The following ACACA variants were observed in gnomAD, a reference collection of about 807,000 sequenced individuals.
The protein encoded by ACACA is acetyl-CoA carboxylase 1.
A neutral mutation model predicts 296.1 loss-of-function variants in ACACA; 103 were observed. The ratio of observed to expected loss-of-function variants is 0.35; its 90% CI spans 0.30 to 0.41. The LOEUF (loss-of-function observed/expected upper bound fraction) is 0.41, where lower values mean the gene tolerates loss of function less well. Ranked by LOEUF, ACACA falls within the 10% of genes least tolerant of loss-of-function variation. ACACA has a pLI of 1.00. For missense variants in ACACA, 1,554 were observed against 2,989.7 expected (o/e 0.52, Z 11.20); for synonymous variants, 953 against 1,038.6 (o/e 0.92, Z 1.58).
chr17:37,339,809 A>T lies in ACACA; in HGVS notation c.80T>A (p.Ile27Lys). 6 of 1,378,248 alleles carry T rather than the reference A, an allele frequency of 4.4e-6. No individual in the cohort carries two copies. Among genetic ancestry groups the T allele is most frequent in the Non-Finnish European group, 6.2e-6 (6 of 971,666 alleles). The allele number at this position is 1,378,248 out of a possible 1,614,324, so 85.4% of individuals were successfully genotyped here. A position where few individuals can be genotyped will look rare whatever the true frequency, so the allele number is the denominator to read the frequency against. Residue 27 changes from isoleucine (I) to lysine (K), a missense_variant, in exon 2 of 56, where the codon ATA (isoleucine) becomes AAA (lysine). Physicochemically the swap from Ile to Lys is moderately radical, Grantham distance 102. This residue lies in a region of ACACA where 140 missense variants were observed against 147.7 expected (regional missense o/e 0.95). Coordinates refer to ENST00000616317, the MANE Select transcript of ACACA (RefSeq NM_198834.3). ...KWISTQTVRI[I>K]RAVRAHFGGI... ...GAGTATTATTTGTAACTGACCTCTT[A>T]TAATTCTTACTGTCTGAGTAGATAT...
Position 37,406,263 on chromosome 17 carries a change from T to A in ACACA, c.37A>T (p.Arg13Trp). The A allele has an allele frequency of 6.2e-7, 1 of 1,614,200 alleles. No individual in the cohort carries two copies. The highest frequency in any genetic ancestry group is 1.3e-5 in the African/African-American group (1 of 75,066). ...GTAATAAGAGATCTTGGGACATACC[T>A]AGCCCTCAAGATTGACATCAGAGTA... ...WSTLMSILRARSFWKWISTQT... is the reference protein window; with the variant it reads ...WSTLMSILRAWSFWKWISTQT... Residue 13 changes from arginine (R) to tryptophan (W), a missense_variant and splice_region_variant, in exon 1 of 56, where the codon AGG becomes TGG. Transcript: ENST00000616317.
At position 37,248,611 on chromosome 17, in the gene ACACA, T is replaced by C. The variant is rs749429147; in HGVS notation, c.2145A>G (p.Gly715=). The C allele has an allele frequency of 6.2e-7, 1 of 1,609,306 alleles. No homozygotes were observed. Among genetic ancestry groups the C allele is most frequent in the Non-Finnish European group, 8.5e-7 (1 of 1,176,192 alleles). The change falls in exon 17 of 56, where the codon GGA becomes GGG. Residue 715 remains glycine, a synonymous_variant. Coordinates refer to ENST00000616317, the MANE Select transcript of ACACA (RefSeq NM_198834.3). ...NTVDVELIYE[G]VKYVLKVTRQ... is the part of the protein sequence containing the mutation. ...TGCATACCTTAAGTACATACTTGAC[T>C]CCCTCATAGATAAGTTCAACATCTA...
chr17:37,388,598 A>T (rs1478905465), intron 1 of ACACA: 20 of 1,507,832 alleles, frequency 1.3e-5, no homozygotes, highest in Non-Finnish European at 1.7e-5. Flanking sequence ...GAAGAACTTC[A>T]GGTCAAAGGA....
intron 29 of ACACA, among the ~76,000 whole-genome samples, chr17:37,216,159 A>ACACACACACAC (rs1598205866): frequency 2.2e-5 from 2 of 90,834 alleles, no homozygotes; most frequent in Admixed American, 1.5e-4. Context: ...CACACACACA[A>ACACACACACAC]CATACACATG....
At chr17:37,122,755 G>A in intron 48 of ACACA, 128 bp from the exon 49 acceptor site, 1 of 792,948 alleles carries the variant, frequency 1.3e-6, no homozygotes, top group East Asian at 2.5e-5. Flanking sequence ...GGGGAAATCT[G>A]ATTCTTCTAT....
At chr17:37,354,303 C>T (rs1044303811) in intron 1 of ACACA, among the ~76,000 whole-genome samples, 1 of 152,214 alleles carries the variant, frequency 6.6e-6, no homozygotes, top group Non-Finnish European at 1.5e-5. Flanking sequence ...AAGGCAAGAC[C>T]AACTGGGGCC....
chr17:37,254,771 G>A (rs572705285), intron 14 of ACACA, among the ~76,000 whole-genome samples: 8 of 151,894 alleles, frequency 5.3e-5, no homozygotes, highest in African/African-American at 1.9e-4. Context: ...ATCACTCGAG[G>A]TCAGGAATTC....
intron 39 of ACACA, among the ~76,000 whole-genome samples, chr17:37,183,916 G>T (rs1227921870): frequency 6.9e-6 from 1 of 145,702 alleles, no homozygotes; most frequent in African/African-American, 2.5e-5. Flanking sequence ...GCAATGGTGC[G>T]ATCTCGGCTC....
At chr17:37,405,743 G>C (rs1050014665) in intron 1 of ACACA, among the ~76,000 whole-genome samples, 1 of 151,820 alleles carries the variant, frequency 6.6e-6, no homozygotes, top group Non-Finnish European at 1.5e-5. Context: ...TAGTAGAGAC[G>C]GGATTTCACC....
intron 3 of ACACA, among the ~76,000 whole-genome samples, chr17:37,306,700 TA>T (rs200204228): frequency 2.0e-4 from 30 of 151,998 alleles, no homozygotes; most frequent in African/African-American, 4.3e-4. Flanking sequence ...AATTTATTAT[TA>T]TTTTTTTTTT....
At chr17:37,385,472 TA>T (rs113090779) in intron 1 of ACACA, among the ~76,000 whole-genome samples, 282 of 145,158 alleles carry the variant, frequency 1.9e-3, no homozygotes, top group Middle Eastern at 3.4e-3. Context: ...GACCCTGTCT[TA>T]AAAAAAAAAA....
At chr17:37,149,786 A>G (rs1597979042) in intron 45 of ACACA, 78 bp downstream of exon 45, 3 of 1,312,674 alleles carry the variant, frequency 2.3e-6, no homozygotes, top group East Asian at 2.3e-5. Context: ...CTTCCTTCCA[A>G]TCAGGATCTT....
At chr17:37,267,072 G>A (rs916273890) in intron 10 of ACACA, among the ~76,000 whole-genome samples, 7 of 152,134 alleles carry the variant, frequency 4.6e-5, no homozygotes, top group Non-Finnish European at 7.3e-5. Context: ...ACATCATACC[G>A]TTAGGTATCA....
intron 50 of ACACA, among the ~76,000 whole-genome samples, chr17:37,117,110 A>G (rs919565034): frequency 2.6e-5 from 4 of 152,202 alleles, no homozygotes; most frequent in African/African-American, 9.7e-5. Flanking sequence ...ACATGGATAA[A>G]CCGTGGCAGC....
At chr17:37,209,170 C>T (rs947407685) in intron 30 of ACACA, among the ~76,000 whole-genome samples, 1 of 152,062 alleles carries the variant, frequency 6.6e-6, no homozygotes, top group African/African-American at 2.4e-5. Flanking sequence ...ATGAATGAAA[C>T]AAACAAATGA....
At chr17:37,218,075 A>G (rs17138898) in intron 29 of ACACA, among the ~76,000 whole-genome samples, 6,075 of 149,974 alleles carry the variant, frequency 0.041, 402 homozygotes, top group African/African-American at 0.14. Context: ...ACTGTGAATA[A>G]TTCCTGTAAC....
chr17:37,323,282 A>G (rs1323061532), intron 3 of ACACA, among the ~76,000 whole-genome samples: 1 of 152,058 alleles, frequency 6.6e-6, no homozygotes, highest in Non-Finnish European at 1.5e-5. Flanking sequence ...AGATGAGGGA[A>G]CTCTCCTGTT....
intron 29 of ACACA, among the ~76,000 whole-genome samples, chr17:37,216,185 C>CAT (rs2078985276): frequency 2.5e-5 from 3 of 117,776 alleles, no homozygotes; most frequent in African/African-American, 1.3e-4. Flanking sequence ...TATACATACA[C>CAT]ACACGTGTGT....
intron 47 of ACACA, among the ~76,000 whole-genome samples, chr17:37,127,428 T>C (rs1175428310): frequency 1.3e-5 from 2 of 152,122 alleles, no homozygotes; most frequent in Non-Finnish European, 2.9e-5. Flanking sequence ...AGAGAGTAGA[T>C]CCTACCCAGT....
Sources: allele counts gnomAD v4.1 joint callset (sites outside exome capture counted in the v4.1 genomes callset), GRCh38; gene constraint gnomAD v4.1.1; regional missense constraint gnomAD v4.1.1; transcripts MANE v1.5; gene names NCBI Gene and HGNC (gene_info 2026-07-23, HGNC 2026-07-21).